The following COL23A1 variants were observed in gnomAD, a reference collection of about 807,000 sequenced individuals.
The protein encoded by COL23A1 is collagen type XXIII alpha 1 chain, also known as collagen alpha-1(XXIII) chain.
A neutral mutation model predicts 99.3 loss-of-function variants in COL23A1; 97 were observed. The observed-to-expected ratio is 0.98, with a 90% CI of 0.83 to 1.16. COL23A1 has a LOEUF of 1.16. Among genes scored for constraint, COL23A1 ranks in the 50% most tolerant of loss-of-function variants. COL23A1 has a pLI of 0.00. For missense variants in COL23A1, 762 were observed against 757.4 expected, an observed-to-expected ratio of 1.01 and a Z score of -0.07; for synonymous variants, 320 against 308.2, an observed-to-expected ratio of 1.04 and a Z score of -0.40.
intron 2 of COL23A1, among the ~76,000 whole-genome samples, chr5:178,500,671 C>A (rs2127984312): frequency 6.6e-6 from 1 of 150,402 alleles, no homozygotes; most frequent in East Asian, 1.9e-4. Flanking sequence ...GAAATTGGAT[C>A]CCTACCCCAT....
intron 2 of COL23A1, 141 bp downstream of exon 2, chr5:178,560,541 T>G: frequency 3.1e-6 from 2 of 652,606 alleles, no homozygotes; most frequent in Non-Finnish European, 5.2e-6. Flanking sequence ...AGGGTCAATG[T>G]GGGAAAGAAA....
At chr5:178,451,217 G>A (rs1016211253) in intron 2 of COL23A1, among the ~76,000 whole-genome samples, 5 of 152,110 alleles carry the variant, frequency 3.3e-5, no homozygotes, top group Non-Finnish European at 7.4e-5. Flanking sequence ...AGAAACATAA[G>A]ATCATTTAAC....
chr5:178,364,280 C>T (rs1269713702), intron 2 of COL23A1, among the ~76,000 whole-genome samples: 6 of 150,862 alleles, frequency 4.0e-5, no homozygotes, highest in Admixed American at 2.7e-4. Context: ...GCCTGGCCCC[C>T]GCCCCTTACA....
At chr5:178,513,769 G>T (rs1261109093) in intron 2 of COL23A1, among the ~76,000 whole-genome samples, 1 of 152,058 alleles carries the variant, frequency 6.6e-6, no homozygotes, top group Non-Finnish European at 1.5e-5. Context: ...ACTGCTTAAG[G>T]CCCCTCCCTC....
rs1039613016 is a variant in COL23A1, at chr5:178,434,534, GCTGAGCCCCAGC to G, written c.361+126136_361+126147del. Among the ~76,000 whole-genome samples, 6 of 152,188 alleles carry G rather than the reference GCTGAGCCCCAGC, an allele frequency of 3.9e-5. No homozygotes were observed. Among genetic ancestry groups the G allele is most frequent in the Non-Finnish European group, 7.3e-5 (5 of 68,032 alleles). ...TGAAGATCAAAGGAGAGGAGGGGCA[GCTGAGCCCCAGC>G]CTGGGGCCTTCCCTGGGGCCTTCCA... On this transcript the variant is annotated intron_variant, in intron 2 of 28. Transcript: ENST00000390654. The surrounding 1 kb of genome is among the most constrained non-coding windows in gnomAD (Gnocchi z 4.3).
At chr5:178,573,211 A>G (rs571057350) in intron 1 of COL23A1, among the ~76,000 whole-genome samples, 3 of 152,312 alleles carry the variant, frequency 2.0e-5, no homozygotes, top group Admixed American at 2.0e-4. Flanking sequence ...TGTCAATTAT[A>G]CTTCAAAAAA....
At chr5:178,461,190 T>C (rs1412005025) in intron 2 of COL23A1, among the ~76,000 whole-genome samples, 4 of 152,190 alleles carry the variant, frequency 2.6e-5, no homozygotes, top group Non-Finnish European at 5.9e-5. Context: ...TCTCCCAACC[T>C]TGTGGCCACA....
chr5:178,288,606 C>A (rs1211241028), intron 4 of COL23A1: 4 of 595,878 alleles, frequency 6.7e-6, no homozygotes, highest in Non-Finnish European at 6.2e-6. Flanking sequence ...TGTGTGCCCT[C>A]CCCACGCTGG....
chr5:178,562,915 T>G (rs1473835612), intron 1 of COL23A1, among the ~76,000 whole-genome samples: 1 of 152,160 alleles, frequency 6.6e-6, no homozygotes, highest in Non-Finnish European at 1.5e-5. Flanking sequence ...TTGGTGCATT[T>G]TACAAACCTC....
intron 3 of COL23A1, among the ~76,000 whole-genome samples, chr5:178,291,634 T>G (rs374294643): frequency 6.6e-6 from 1 of 151,920 alleles, no homozygotes; most frequent in South Asian, 2.1e-4. Context: ...GGCTTGGTTC[T>G]AAGGGTGAAG....
At chr5:178,530,404 G>A (rs1322080459) in intron 2 of COL23A1, among the ~76,000 whole-genome samples, 2 of 152,184 alleles carry the variant, frequency 1.3e-5, no homozygotes, top group East Asian at 3.8e-4. Flanking sequence ...GGAGACTGCA[G>A]TGATCCAAGT....
chr5:178,386,726 G>T (rs1399044409), intron 2 of COL23A1, among the ~76,000 whole-genome samples: 1 of 152,104 alleles, frequency 6.6e-6, no homozygotes, highest in Non-Finnish European at 1.5e-5. Flanking sequence ...CCCCTGCCCC[G>T]TCAGGAGTCT....
At chr5:178,265,357 T>C (rs1237095318) in intron 8 of COL23A1, among the ~76,000 whole-genome samples, 5 of 152,180 alleles carry the variant, frequency 3.3e-5, no homozygotes, top group African/African-American at 9.7e-5. Context: ...TGGCGGGTGA[T>C]TCCTGTTTTA....
chr5:178,510,198 T>C (rs1463242883), intron 2 of COL23A1, among the ~76,000 whole-genome samples: 1 of 152,230 alleles, frequency 6.6e-6, no homozygotes, highest in Non-Finnish European at 1.5e-5. Flanking sequence ...GCTGGAGAGA[T>C]TGCCCTGAAA....
intron 2 of COL23A1, among the ~76,000 whole-genome samples, chr5:178,467,375 C>G (rs1756476748): frequency 6.6e-6 from 1 of 152,368 alleles, no homozygotes; most frequent in Admixed American, 6.5e-5. Flanking sequence ...CGCTCCCTGA[C>G]TCTGCTCTGG....
intron 2 of COL23A1, among the ~76,000 whole-genome samples, chr5:178,489,090 G>A (rs1307810184): frequency 1.3e-5 from 2 of 152,210 alleles, no homozygotes; most frequent in Non-Finnish European, 2.9e-5. Flanking sequence ...TGGCTGGTGT[G>A]TCTGTGAGGG....
At chr5:178,560,332 G>A (rs950408686) in intron 2 of COL23A1, among the ~76,000 whole-genome samples, 1 of 152,178 alleles carries the variant, frequency 6.6e-6, no homozygotes, top group African/African-American at 2.4e-5. Context: ...GTACAGTGGT[G>A]GCAACTGGGG....
intron 2 of COL23A1, among the ~76,000 whole-genome samples, chr5:178,531,310 G>C (rs1581578625): frequency 1.3e-5 from 2 of 152,318 alleles, no homozygotes; most frequent in Non-Finnish European, 1.5e-5. Flanking sequence ...AGATGGCAGC[G>C]ACTTGCCCTA....
At chr5:178,267,173 TGG>T in intron 8 of COL23A1, 132 bp downstream of exon 8, 1 of 949,522 alleles carries the variant, frequency 1.1e-6, no homozygotes, top group South Asian at 1.4e-5. Flanking sequence ...GTGCTATGGG[TGG>T]GGAAGAGCCC....
Sources: allele counts gnomAD v4.1 joint callset (sites outside exome capture counted in the v4.1 genomes callset), GRCh38; gene constraint gnomAD v4.1.1; non-coding constraint Gnocchi (gnomAD v3.1); transcripts MANE v1.5; gene names NCBI Gene and HGNC (gene_info 2026-07-23, HGNC 2026-07-21).